Variants in MGA observed in about 807,000 individuals in gnomAD.
MGA encodes the protein MAX gene-associated protein.
Under a neutral mutation model 261.1 loss-of-function variants are expected in MGA, and 40 were observed. The ratio of observed to expected loss-of-function variants is 0.15; its 90% CI spans 0.12 to 0.20. The LOEUF is 0.20. MGA is among the 10% of genes least tolerant of loss of function. MGA has a pLI of 1.00. For synonymous variants in MGA, 1,302 were observed against 1,290.6 expected (o/e 1.01, Z -0.19); for missense variants, 3,397 against 3,630.5 (o/e 0.94, Z 1.65).
intron 9 of MGA, among the ~76,000 whole-genome samples, chr15:41,724,250 C>T (rs2061106955): frequency 6.6e-6 from 1 of 152,120 alleles, no homozygotes; most frequent in South Asian, 2.1e-4. Flanking sequence ...GGAGGGCAAG[C>T]CTCAAAAGAC....
In MGA at chr15:41,749,742, C is replaced by T. The variant is rs758722384; in HGVS notation, c.6135C>T (p.Val2045=). Residue 2045 remains valine (V), a synonymous_variant, in exon 17 of 24, where the codon GTC becomes GTT. Transcript: ENST00000219905. ...TTCCAGAAGAAGGTTGTGCAACTGTCAAACCATCTGAGCATTCCTGTATCA... is the reference window on the plus strand; with the variant it reads ...TTCCAGAAGAAGGTTGTGCAACTGTTAAACCATCTGAGCATTCCTGTATCA... 19 of 1,613,844 alleles carry T rather than the reference C, an allele frequency of 1.2e-5. No individual in the cohort carries two copies. In the Admixed American group the frequency reaches 1.5e-4, roughly 13 times the overall value.
intron 2 of MGA, among the ~76,000 whole-genome samples, chr15:41,679,835 A>G (rs1172179554): frequency 1.3e-5 from 2 of 152,094 alleles, no homozygotes; most frequent in Non-Finnish European, 2.9e-5. Flanking sequence ...CTCCTTGACA[A>G]TTTGAATATG....
intron 3 of MGA, among the ~76,000 whole-genome samples, chr15:41,698,125 C>T (rs2059639279): frequency 6.6e-6 from 1 of 150,490 alleles, no homozygotes; most frequent in Admixed American, 6.6e-5. Flanking sequence ...CTGCCTCAGC[C>T]TCCCAAAGTG....
chr15:41,759,985 C>A, intron 19 of MGA: 1 of 209,936 alleles, frequency 4.8e-6, no homozygotes, highest in Non-Finnish European at 9.8e-6. Flanking sequence ...TAATTTGTAT[C>A]ATGAAAACAA....
At chr15:41,692,983 C>T (rs1486119647) in intron 2 of MGA, among the ~76,000 whole-genome samples, 1 of 152,108 alleles carries the variant, frequency 6.6e-6, no homozygotes, top group Non-Finnish European at 1.5e-5. Flanking sequence ...TAGGCGTGAG[C>T]CACTGCGCCC....
At position 41,762,296 on chromosome 15, in the gene MGA, C is replaced by G. The variant is rs1390970701; in HGVS notation, c.7678C>G (p.Gln2560Glu). 8.7e-6 allele frequency: 14 copies of G among 1,613,766 alleles called. No individual in the cohort carries two copies. Among genetic ancestry groups the G allele is most frequent in the Middle Eastern group, 3.3e-4 (2 of 6,062 alleles). Residue 2560 changes from glutamine to glutamate, a missense_variant, in exon 22 of 24, where the codon CAG (glutamine) becomes GAG (glutamate). Coordinates refer to ENST00000219905, the MANE Select transcript of MGA (RefSeq NM_001164273.2). ...TTCTGCATCATCTGTAGATCTTGGA[C>G]AGATGTTTATAAATAACAGGAGGGG...
chr15:41,751,969 T>C (rs1483151073), intron 17 of MGA: 1 of 152,230 alleles, frequency 6.6e-6, no homozygotes, highest in African/African-American at 2.4e-5. Context: ...TTTTCTGTTA[T>C]TGCTTAACTG....
intron 9 of MGA, among the ~76,000 whole-genome samples, chr15:41,726,826 T>C (rs2061278382): frequency 6.6e-6 from 1 of 152,206 alleles, no homozygotes; most frequent in South Asian, 2.1e-4. Context: ...ATTACCTTGC[T>C]GTGTTTTTCT....
chr15:41,699,224 C>A, intron 5 of MGA, 65 bp downstream of exon 5: 1 of 1,025,244 alleles, frequency 9.8e-7, no homozygotes, highest in Non-Finnish European at 1.4e-6. Flanking sequence ...TGTTTCTCCT[C>A]TTTTTCCTCT....
At chr15:41,760,797 C>T (rs2063409400) in intron 20 of MGA, among the ~76,000 whole-genome samples, 3 of 151,910 alleles carry the variant, frequency 2.0e-5, no homozygotes, top group Non-Finnish European at 4.4e-5. Context: ...AGTACAATGG[C>T]ACGATCTTGG....
At chr15:41,741,320 C>G (rs991415182) in intron 14 of MGA, among the ~76,000 whole-genome samples, 3 of 118,658 alleles carry the variant, frequency 2.5e-5, no homozygotes, top group African/African-American at 1.0e-4. Flanking sequence ...GCACTCCAGC[C>G]TGGTGACAGA....
At chr15:41,629,021 A>G (rs1217477347) in intron 1 of MGA, among the ~76,000 whole-genome samples, 1 of 149,778 alleles carries the variant, frequency 6.7e-6, no homozygotes, top group Non-Finnish European at 1.5e-5. Context: ...GGGCGCCTGT[A>G]GTCGCAGCTA....
intron 2 of MGA, among the ~76,000 whole-genome samples, chr15:41,682,392 A>G (rs2058731684): frequency 6.6e-6 from 1 of 152,100 alleles, no homozygotes; most frequent in Non-Finnish European, 1.5e-5. Flanking sequence ...GTTGTACTCT[A>G]GGCCCCTACC....
chr15:41,762,461 G>GTTTTTTTTTTTGT (rs2063525666), intron 22 of MGA, 99 bp downstream of exon 22: 1 of 125,094 alleles, frequency 8.0e-6, no homozygotes, highest in African/African-American at 6.6e-5. Flanking sequence ...GTTTTGTGTG[G>GTTTTTTTTTTTGT]TTTTTTTTTT....
intron 1 of MGA, among the ~76,000 whole-genome samples, chr15:41,632,917 CTT>C (rs1657066913): frequency 1.3e-5 from 2 of 151,820 alleles, no homozygotes; most frequent in South Asian, 4.2e-4. Context: ...TTTCAGGAAA[CTT>C]TATATATAGA....
At chr15:41,697,245 T>C (rs1182788293) in intron 3 of MGA, among the ~76,000 whole-genome samples, 2 of 152,268 alleles carry the variant, frequency 1.3e-5, no homozygotes, top group East Asian at 3.9e-4. Flanking sequence ...TATGTCTTGC[T>C]TAGATTTCAG....
At chr15:41,734,680 A>G in intron 12 of MGA, 86 bp downstream of exon 12, 1 of 1,002,336 alleles carries the variant, frequency 1.0e-6, no homozygotes, top group Non-Finnish European at 1.5e-6. Flanking sequence ...CCAAACCATC[A>G]ATTCAGAATA....
chr15:41,660,948 T>C lies in MGA; in HGVS notation c.-68+423T>C, dbSNP rs370172937. Among the ~76,000 whole-genome samples, 8 of 152,368 alleles carry C rather than the reference T, an allele frequency of 5.3e-5. No homozygotes were observed. In the South Asian group the frequency reaches 1.7e-3, roughly 32 times the overall value. Reference sequence around the variant, plus strand: ...AGCCACGCTTACGCGCTTTTCAGTTTAGAGCCTAGGTCTCGTGGTTCTAGA... The same window carrying C: ...AGCCACGCTTACGCGCTTTTCAGTTCAGAGCCTAGGTCTCGTGGTTCTAGA... On this transcript the variant is annotated intron_variant, in intron 1 of 23. Coordinates refer to ENST00000219905, the MANE Select transcript of MGA (RefSeq NM_001164273.2).
chr15:41,632,261 T>C (rs1474990152), intron 1 of MGA, among the ~76,000 whole-genome samples: 1 of 152,230 alleles, frequency 6.6e-6, no homozygotes, highest in Non-Finnish European at 1.5e-5. Flanking sequence ...AATTCTGTTG[T>C]GGTAGTAAAC....
Sources: gnomAD v4.1 joint callset for allele counts (sites outside exome capture counted in the v4.1 genomes callset) on GRCh38, gnomAD v4.1.1 for gene constraint, MANE v1.5 for transcripts, NCBI Gene and HGNC (gene_info 2026-07-23, HGNC 2026-07-21) for gene names.